Variants in CAPN7 observed in about 807,000 individuals in gnomAD.
The protein encoded by CAPN7 is calpain 7.
CAPN7 carries 72 observed loss-of-function variants against 115.2 expected under a neutral mutation model. That is an observed-to-expected ratio of 0.63 (90% CI 0.52 to 0.76). The LOEUF (loss-of-function observed/expected upper bound fraction) is 0.76. Ranked by LOEUF, CAPN7 falls within the 30% of genes least tolerant of loss-of-function variation. CAPN7 has a pLI of 0.00. For missense variants in CAPN7, 905 were observed against 971.5 expected (o/e 0.93, Z 0.91); for synonymous variants, 344 against 322.3 (o/e 1.07, Z -0.72).
chr3:15,231,687 G>A (rs1308944197), intron 9 of CAPN7, among the ~76,000 whole-genome samples: 5 of 151,884 alleles, frequency 3.3e-5, no homozygotes, highest in African/African-American at 1.2e-4. Context: ...CCACCACCAC[G>A]CCCGGCTAAT....
chr3:15,245,509 T>C lies in CAPN7; in HGVS notation c.1865-17T>C. On this transcript the variant is annotated splice_polypyrimidine_tract_variant and intron_variant, in intron 16 of 20. Transcript: ENST00000253693. ...AGAAAAGTCTCCTTTTCTCTAAGCC[T>C]ACTTGTTTGTTTGCAGCTGACCCAC... 6.2e-7 allele frequency: 1 copy of C among 1,604,332 alleles called. No homozygotes were observed. The highest frequency in any genetic ancestry group is 8.5e-7 in the Non-Finnish European group (1 of 1,176,296).
intron 4 of CAPN7, among the ~76,000 whole-genome samples, chr3:15,218,915 ATTATACAGTGTGTAGCTCTTTCACCTC>A (rs992518257): frequency 1.3e-5 from 2 of 152,220 alleles, no homozygotes; most frequent in African/African-American, 4.8e-5. Context: ...CATACCTCAG[ATTATACAGTGTGTAGCTCTTTCACCTC>A]TTAGCTGAAA....
intron 17 of CAPN7, 120 bp from the exon 18 acceptor site, chr3:15,246,612 G>A: frequency 1.4e-6 from 1 of 704,460 alleles, no homozygotes; most frequent in South Asian, 1.7e-5. Flanking sequence ...CCTGATACTA[G>A]GCTGCCTATA....
At chr3:15,231,542 T>G (rs993245553) in intron 9 of CAPN7, among the ~76,000 whole-genome samples, 10 of 152,142 alleles carry the variant, frequency 6.6e-5, no homozygotes, top group African/African-American at 2.4e-4. Context: ...CACTTTTTTT[T>G]TTTTTGAGAT....
Position 15,220,125 on chromosome 3 carries a change from G to A in CAPN7, c.438-656G>A, listed in dbSNP as rs1040779043. Among the ~76,000 whole-genome samples the A allele has an allele frequency of 5.9e-5, 9 of 151,978 alleles. No individual in the cohort carries two copies. In the East Asian group the frequency reaches 7.7e-4, roughly 13 times the overall value. ...CTGAGGCAGGAGAATCGCTTGACTCGGAAGGCAGAGGTTGCAGTGAGCCAA... is the reference window on the plus strand; with the variant it reads ...CTGAGGCAGGAGAATCGCTTGACTCAGAAGGCAGAGGTTGCAGTGAGCCAA... On this transcript the variant is annotated intron_variant, in intron 4 of 20. Transcript: ENST00000253693.
intron 18 of CAPN7, 143 bp downstream of exon 18, chr3:15,246,937 GGAATACAA>G: frequency 1.5e-6 from 1 of 682,714 alleles, no homozygotes; most frequent in Non-Finnish European, 2.5e-6. Context: ...AATTTGGGTT[GGAATACAA>G]GATCTTCAGT....
At chr3:15,231,558 CT>C (rs1166330456) in intron 9 of CAPN7, among the ~76,000 whole-genome samples, 2 of 150,416 alleles carry the variant, frequency 1.3e-5, no homozygotes, top group East Asian at 3.9e-4. Flanking sequence ...GAGATGGAGT[CT>C]CACTCTGTCA....
chr3:15,249,824 G>A (rs528427482), intron 19 of CAPN7, among the ~76,000 whole-genome samples: 412 of 150,734 alleles, frequency 2.7e-3, no homozygotes, highest in African/African-American at 9.7e-3. Flanking sequence ...GGAGTGCAGT[G>A]TGTGATCTCG....
At chr3:15,227,142 G>T (rs570477854) in intron 6 of CAPN7, among the ~76,000 whole-genome samples, 3 of 152,040 alleles carry the variant, frequency 2.0e-5, no homozygotes. Context: ...AGGGAAAGGG[G>T]GAAAGGTAGA....
intron 3 of CAPN7, 138 bp downstream of exon 3, chr3:15,217,720 C>A: frequency 1.7e-6 from 1 of 595,804 alleles, no homozygotes; most frequent in Non-Finnish European, 2.6e-6. Context: ...AACTACTCCT[C>A]AATATAAGAT....
At chr3:15,235,265 C>T in intron 12 of CAPN7, 120 bp downstream of exon 12, 1 of 838,626 alleles carries the variant, frequency 1.2e-6, no homozygotes. Flanking sequence ...GTTTATAAAC[C>T]ATTTCACCTA....
At chr3:15,216,022 A>T (rs1299752436) in intron 2 of CAPN7, among the ~76,000 whole-genome samples, 2 of 152,040 alleles carry the variant, frequency 1.3e-5, no homozygotes, top group Non-Finnish European at 2.9e-5. Context: ...CAGGAAGTGG[A>T]GGTTGCAGTG....
At chr3:15,219,767 G>A (rs961743677) in intron 4 of CAPN7, among the ~76,000 whole-genome samples, 1 of 152,138 alleles carries the variant, frequency 6.6e-6, no homozygotes, top group Non-Finnish European at 1.5e-5. Flanking sequence ...TTTTTAGCTC[G>A]TTAGTTCTTT....
Position 15,229,657 on chromosome 3 carries a change from C to T in CAPN7, c.938+598C>T, listed in dbSNP as rs537314923. 2.8e-5 allele frequency among the ~76,000 whole-genome samples: 4 copies of T among 140,756 alleles called. No homozygotes were observed. The South Asian group carries it at 9.5e-4, about 33-fold the overall frequency. The allele number at this position is 140,756 out of a possible 152,430, so 92.3% of individuals were successfully genotyped here. A position where few individuals can be genotyped will look rare whatever the true frequency, so the allele number is the denominator to read the frequency against. On this transcript the variant is annotated intron_variant, in intron 8 of 20. Coordinates refer to ENST00000253693, the MANE Select transcript of CAPN7 (RefSeq NM_014296.3). ...ATGGCGTGATCTCGGCTCACCACAACCTCTGCCTCCTGGGTTCAAGCGATT... is the reference window on the plus strand; with the variant it reads ...ATGGCGTGATCTCGGCTCACCACAATCTCTGCCTCCTGGGTTCAAGCGATT...
At chr3:15,235,213 T>C in intron 12 of CAPN7, 68 bp downstream of exon 12, 1 of 1,397,892 alleles carries the variant, frequency 7.2e-7, no homozygotes, top group Non-Finnish European at 9.7e-7. Context: ...CCCAGATAAT[T>C]TATCAGACTT....
chr3:15,248,735 G>A (rs6807656), intron 19 of CAPN7, among the ~76,000 whole-genome samples: 10,475 of 152,154 alleles, frequency 0.069, 1,202 homozygotes, highest in African/African-American at 0.24. Flanking sequence ...GCTAACACCT[G>A]TAATCCCAGC....
chr3:15,218,413 G>A, intron 3 of CAPN7, 60 bp from the exon 4 acceptor site: 1 of 1,313,120 alleles, frequency 7.6e-7, no homozygotes, highest in Non-Finnish European at 1.1e-6. Context: ...TAGAAATATG[G>A]ATCAAGCAAA....
intron 8 of CAPN7, among the ~76,000 whole-genome samples, chr3:15,229,875 C>T (rs917367282): frequency 1.3e-5 from 2 of 152,084 alleles, no homozygotes; most frequent in Non-Finnish European, 2.9e-5. Flanking sequence ...AAAAACTAAG[C>T]ATTATAATTT....
At chr3:15,243,782 A>C (rs1321687811) in intron 16 of CAPN7, among the ~76,000 whole-genome samples, 1 of 151,578 alleles carries the variant, frequency 6.6e-6, no homozygotes, top group South Asian at 2.1e-4. Flanking sequence ...ACTGAGGTCT[A>C]CTTGAAGTGG....
Sources: allele counts gnomAD v4.1 joint callset (sites outside exome capture counted in the v4.1 genomes callset), GRCh38; gene constraint gnomAD v4.1.1; transcripts MANE v1.5; gene names NCBI Gene and HGNC (gene_info 2026-07-23, HGNC 2026-07-21).